The following CD72 variants were observed in gnomAD, a reference collection of about 807,000 sequenced individuals.
CD72 encodes B-cell differentiation antigen CD72.
CD72 carries 28 observed loss-of-function variants against 50.7 expected under a neutral mutation model. The ratio of observed to expected loss-of-function variants is 0.55; its 90% CI spans 0.41 to 0.76. CD72 has a LOEUF of 0.76. Among genes scored for constraint, CD72 ranks in the 30% least tolerant of loss-of-function variants. The pLI, the probability that CD72 is intolerant of heterozygous loss-of-function variation, is 0.00. For synonymous variants in CD72, 176 were observed against 171.2 expected, an observed-to-expected ratio of 1.03 and a Z score of -0.22; for missense variants, 403 against 420.6, an observed-to-expected ratio of 0.96 and a Z score of 0.37.
At chr9:35,635,854 C>T (rs62545499) in intron 1 of CD72, among the ~76,000 whole-genome samples, 27,031 of 152,122 alleles carry the variant, frequency 0.18, 3,029 homozygotes, top group South Asian at 0.27. Flanking sequence ...AGTTTGTCAC[C>T]TATAGCTGGA....
At chr9:35,624,266 T>C (rs1279059674), upstream of CD72, among the ~76,000 whole-genome samples, 1 of 146,910 alleles carries the variant, frequency 6.8e-6, no homozygotes, top group East Asian at 2.0e-4. Context: ...TAATAATAAA[T>C]TTAATTTAAT....
At position 35,612,908 on chromosome 9, in the gene CD72, T is replaced by A. The variant is rs371328774; in HGVS notation, c.774A>T (p.Gln258His). The change falls in exon 6 of 9, where the codon CAA becomes CAT. Residue 258 changes from glutamine to histidine, a missense_variant. Transcript: ENST00000259633. ...TGGAAGACAGAGTTTCACATTGTTT[T>A]TGGCTCTCCTGCCAATTTTTTGAAG... ...SLTSKNWQES[Q>H]KQCETLSSKL... is the part of the protein sequence containing the mutation. 1.2e-6 allele frequency: 2 copies of A among 1,614,076 alleles called. No homozygotes were observed. Among genetic ancestry groups the A allele is most frequent in the African/African-American group, 2.7e-5 (2 of 74,946 alleles).
chr9:35,624,694 G>T (rs1388332012), intron 1 of CD72, among the ~76,000 whole-genome samples: 1 of 152,078 alleles, frequency 6.6e-6, no homozygotes, highest in Non-Finnish European at 1.5e-5. Flanking sequence ...GAAGGTTTAT[G>T]GCAACCCTGT....
At chr9:35,612,283 G>A (rs1822997965) in intron 6 of CD72, among the ~76,000 whole-genome samples, 1 of 152,170 alleles carries the variant, frequency 6.6e-6, no homozygotes, top group Non-Finnish European at 1.5e-5. Flanking sequence ...AAGCTGAGAT[G>A]AGATACACAT....
At chr9:35,620,202 C>T (rs181929032), upstream of CD72, among the ~76,000 whole-genome samples, 316 of 152,260 alleles carry the variant, frequency 2.1e-3, 1 homozygote, top group Non-Finnish European at 2.3e-3. Context: ...ATCCAATACA[C>T]AGGTGAACAT....
chr9:35,631,012 T>C (rs1323851663), intron 1 of CD72, among the ~76,000 whole-genome samples: 1 of 152,246 alleles, frequency 6.6e-6, no homozygotes, highest in Non-Finnish European at 1.5e-5. Context: ...GTGGCTATCA[T>C]TATTATCCTA....
At chr9:35,633,265 T>G (rs928575712) in intron 1 of CD72, among the ~76,000 whole-genome samples, 12 of 135,192 alleles carry the variant, frequency 8.9e-5, no homozygotes, top group South Asian at 2.4e-4. Context: ...TTGTTTTTTG[T>G]TTTTTTTTTT....
At position 35,615,960 on chromosome 9, in the gene CD72, A is replaced by C; in HGVS notation, c.671T>G (p.Phe224Cys). 1 of 1,613,248 alleles carries C rather than the reference A, an allele frequency of 6.2e-7. No individual in the cohort carries two copies. Among genetic ancestry groups the C allele is most frequent in the Non-Finnish European group, 8.5e-7 (1 of 1,179,726 alleles). The change falls in exon 5 of 9, where the codon TTC (phenylalanine) becomes TGC (cysteine). Residue 224 changes from phenylalanine to cysteine, a missense_variant. Transcript: ENST00000259633. ...GCGGATACCTGCTGAGCCGCATGTG[A>C]AGAAGGGCTTCAGTCTGTTCTCCAT... Reference protein sequence around the residue: ...SNMENRLKPFFTCGSADTCCP... With the variant: ...SNMENRLKPFCTCGSADTCCP...
intron 7 of CD72, 49 bp downstream of exon 7, chr9:35,611,755 T>A (rs1233733998): frequency 1.0e-6 from 1 of 969,342 alleles, no homozygotes; most frequent in East Asian, 2.4e-5. Flanking sequence ...CATGTCTTTA[T>A]GGAGGGGATT....
At chr9:35,610,894 T>C in intron 7 of CD72, 141 bp from the exon 8 acceptor site, 2 of 573,532 alleles carry the variant, frequency 3.5e-6, no homozygotes, top group Middle Eastern at 3.1e-4. Context: ...AGGACAGATG[T>C]CTGGAGTTCA....
In CD72 at chr9:35,641,020, C is replaced by T. The variant is rs552350527; in HGVS notation, n.408+5383G>A. On this transcript the variant is annotated intron_variant and non_coding_transcript_variant, in intron 1 of 3. Transcript: ENST00000465754. The stretch of plus-strand genomic sequence containing the variant: ...GTGGATGCAGTCACCTTCCCAGCTA[C>T]GCTTAGGGATTCTTAGTCGGCCTAG... 4.3e-4 allele frequency among the ~76,000 whole-genome samples: 65 copies of T among 152,216 alleles called. 2 individuals are homozygous for T. The highest frequency in any genetic ancestry group is 3.9e-3 in the South Asian group (19 of 4,830).
At chr9:35,630,652 A>T (rs1823236721) in intron 1 of CD72, among the ~76,000 whole-genome samples, 1 of 152,232 alleles carries the variant, frequency 6.6e-6, no homozygotes, top group Non-Finnish European at 1.5e-5. Context: ...CAAGGGAAGT[A>T]TCTGCCAAAC....
intron 8 of CD72, 82 bp from the exon 9 acceptor site, chr9:35,610,382 T>C: frequency 2.2e-6 from 1 of 450,888 alleles, no homozygotes; most frequent in Non-Finnish European, 4.0e-6. Flanking sequence ...TCCTCAGCTC[T>C]CGACAGCCAC....
Position 35,615,977 on chromosome 9 carries a change from G to C in CD72, c.654C>G (p.Asn218Lys), listed in dbSNP as rs922609815. ...CGCATGTGAAGAAGGGCTTCAGTCTGTTCTCCATGTTGCTCAGCTTCTGCT... is the reference window on the plus strand; with the variant it reads ...CGCATGTGAAGAAGGGCTTCAGTCTCTTCTCCATGTTGCTCAGCTTCTGCT... Reference protein sequence around the residue: ...ALEQKLSNMENRLKPFFTCGS... With the variant: ...ALEQKLSNMEKRLKPFFTCGS... The change falls in exon 5 of 9, where the codon AAC (asparagine) becomes AAG (lysine). Residue 218 changes from asparagine (N) to lysine (K), a missense_variant. By Grantham distance (94) the Asn-to-Lys change is moderately conservative (BLOSUM62 0). Coordinates refer to ENST00000259633, the MANE Select transcript of CD72 (RefSeq NM_001782.3). The C allele has an allele frequency of 6.2e-7, 1 of 1,613,858 alleles. No individual in the cohort carries two copies. Among genetic ancestry groups the C allele is most frequent in the African/African-American group, 1.3e-5 (1 of 74,932 alleles).
chr9:35,623,946 A>G (rs1823169755), upstream of CD72, among the ~76,000 whole-genome samples: 1 of 148,242 alleles, frequency 6.7e-6, no homozygotes, highest in Non-Finnish European at 1.5e-5. Flanking sequence ...CAAATTTATA[A>G]AGGCCAGGCC....
chr9:35,618,765 G>A (rs1305560725), upstream of CD72: 1 of 1,288,204 alleles, frequency 7.8e-7, no homozygotes, highest in Non-Finnish European at 1.0e-6. Context: ...CCAGCTCCAG[G>A]GTGAGGCTCC....
upstream of CD72, among the ~76,000 whole-genome samples, chr9:35,622,655 C>T (rs147336011): frequency 2.2e-3 from 338 of 152,140 alleles, 1 homozygote; most frequent in Non-Finnish European, 2.3e-3. Flanking sequence ...GGCATGGCGG[C>T]GCACACCTGT....
chr9:35,610,629 C>A lies in CD72; in HGVS notation c.1075G>T (p.Asp359Tyr), dbSNP rs554825399. 1.1e-5 allele frequency: 18 copies of A among 1,613,890 alleles called. No homozygotes were observed. In the Admixed American group the frequency reaches 2.8e-4, roughly 25 times the overall value. Residue 359 changes from aspartate (D) to tyrosine (Y), a missense_variant, in exon 8 of 9, where the codon GAT becomes TAT. Transcript: ENST00000259633. Reference protein sequence around the residue: ...ICEMTAFRFPD With the variant: ...ICEMTAFRFPY ...ACTCAGTGCAAAGGACTGTCCTAATCTGGAAACCTGAAAGCTGTCATCTCA... is the reference window on the plus strand; with the variant it reads ...ACTCAGTGCAAAGGACTGTCCTAATATGGAAACCTGAAAGCTGTCATCTCA...
chr9:35,623,416 G>GC (rs1409013919), upstream of CD72, among the ~76,000 whole-genome samples: 1 of 152,162 alleles, frequency 6.6e-6, no homozygotes, highest in Non-Finnish European at 1.5e-5. Context: ...TAGAACTGTA[G>GC]CCCCCTTACC....
Sources: gnomAD v4.1 joint callset for allele counts (sites outside exome capture counted in the v4.1 genomes callset) on GRCh38, gnomAD v4.1.1 for gene constraint, MANE v1.5 for transcripts, NCBI Gene and HGNC (gene_info 2026-07-23, HGNC 2026-07-21) for gene names.